The following RPLP1 variants were observed in gnomAD, a reference collection of about 807,000 sequenced individuals.
RPLP1 encodes the protein ribosomal protein lateral stalk subunit P1.
Under a neutral mutation model 11.6 loss-of-function variants are expected in RPLP1, and 4 were observed. The observed-to-expected ratio is 0.34, with a 90% CI of 0.17 to 0.79. The LOEUF is 0.79. Ranked by LOEUF, RPLP1 falls within the 30% of genes least tolerant of loss-of-function variation. The pLI is 0.55. For synonymous variants in RPLP1, 54 were observed against 52.2 expected (o/e 1.03, Z -0.15); for missense variants, 133 against 142.8 (o/e 0.93, Z 0.35).
rs1468495164 is a variant in RPLP1, at chr15:69,453,013, C to T, written c.65C>T (p.Thr22Ile). ...SALILHDDEVTVTEDKINALI... is the reference protein window; with the variant it reads ...SALILHDDEVIVTEDKINALI... ...CTCATTCTGCACGACGATGAGGTGA[C>T]AGTCACGGTGAGTGCGGGCGCGGGC... Residue 22 changes from threonine to isoleucine, a missense_variant, in exon 1 of 4, where the codon ACA (threonine) becomes ATA (isoleucine). Coordinates refer to ENST00000260379, the MANE Select transcript of RPLP1 (RefSeq NM_001003.3). The T allele has an allele frequency of 5.1e-6, 8 of 1,570,572 alleles. No homozygotes were observed. The highest frequency in any genetic ancestry group is 6.9e-6 in the Non-Finnish European group (8 of 1,160,362).
At chr15:69,453,080 A>T (rs1412716037) in intron 1 of RPLP1, 60 bp downstream of exon 1, 7 of 1,449,074 alleles carry the variant, frequency 4.8e-6, no homozygotes, top group African/African-American at 1.4e-5. Flanking sequence ...TCGGCTCTCC[A>T]TGCGGTTCCC....
rs1596038216 is a variant in RPLP1, at chr15:69,455,470, A to G, written c.308A>G (p.Glu103Gly). Residue 103 changes from glutamate (E) to glycine (G), a missense_variant, in exon 4 of 4, where the codon GAG (glutamate) becomes GGG (glycine). By Grantham distance (98) the Glu-to-Gly change is moderately conservative (BLOSUM62 -2). Transcript: ENST00000260379. Reference sequence around the variant, plus strand: ...GAAGCAAAGAAAGAAGAATCCGAGGAGTCTGATGATGACATGGGCTTTGGT... The same window carrying G: ...GAAGCAAAGAAAGAAGAATCCGAGGGGTCTGATGATGACATGGGCTTTGGT... Reference protein sequence around the residue: ...KVEAKKEESEESDDDMGFGLF... With the variant: ...KVEAKKEESEGSDDDMGFGLF... 3 of 1,611,090 alleles carry G rather than the reference A, an allele frequency of 1.9e-6. No individual in the cohort carries two copies. The highest frequency in any genetic ancestry group is 2.5e-6 in the Non-Finnish European group (3 of 1,179,728).
chr15:69,454,004 C>T (rs900144435), intron 2 of RPLP1: 3 of 464,188 alleles, frequency 6.5e-6, no homozygotes, highest in African/African-American at 2.0e-5. Context: ...GAGATAGGTA[C>T]TACGCATGTT....
At position 69,455,512 on chromosome 15, in the gene RPLP1, C is replaced by T. The variant is rs201427547; in HGVS notation, c.*5C>T. ...GGCTTTGGTCTTTTTGACTAAACCT[C>T]TTTTATAACATGTTCAATAAAAAGC... On this transcript the variant is annotated 3_prime_UTR_variant, in exon 4 of 4. Coordinates refer to ENST00000260379, the MANE Select transcript of RPLP1 (RefSeq NM_001003.3). 21 of 1,592,310 alleles carry T rather than the reference C, an allele frequency of 1.3e-5. No homozygotes were observed. The East Asian group carries it at 4.5e-4, about 34-fold the overall frequency.
At chr15:69,454,028 A>G in intron 2 of RPLP1, 1 of 386,126 alleles carries the variant, frequency 2.6e-6, no homozygotes, top group South Asian at 4.2e-5. Context: ...TTGCAAGCAA[A>G]TTCTTTTTCT....
intron 1 of RPLP1, 173 bp from the exon 2 acceptor site, chr15:69,453,474 A>T: frequency 1.5e-6 from 1 of 685,940 alleles, no homozygotes; most frequent in South Asian, 1.8e-5. Context: ...AGCCCGTGAA[A>T]CAGCAGTGAT....
chr15:69,455,339 A>C (rs1892419785), intron 3 of RPLP1, 52 bp downstream of exon 3: 1 of 1,532,852 alleles, frequency 6.5e-7, no homozygotes, highest in Admixed American at 2.3e-5. Context: ...ATTTTTTAAA[A>C]AATAGTATTA....
chr15:69,453,083 C>A (rs1349676780), intron 1 of RPLP1, 63 bp downstream of exon 1: 9 of 1,415,406 alleles, frequency 6.4e-6, no homozygotes, highest in African/African-American at 1.4e-5. Flanking sequence ...GCTCTCCATG[C>A]GGTTCCCGGC....
At position 69,452,844 on chromosome 15, in the gene RPLP1, G is replaced by A; in HGVS notation, c.-105G>A. On this transcript the variant is annotated 5_prime_UTR_variant, in exon 1 of 4. Transcript: ENST00000260379. ...CCCTTTCCTCAGCTGCCGCCAAGGTGCTCGGTCCTTCCGAGGAAGCTAAGG... is the reference window on the plus strand; with the variant it reads ...CCCTTTCCTCAGCTGCCGCCAAGGTACTCGGTCCTTCCGAGGAAGCTAAGG... 9.4e-7 allele frequency: 1 copy of A among 1,067,128 alleles called. No individual in the cohort carries two copies. Among genetic ancestry groups the A allele is most frequent in the Non-Finnish European group, 1.4e-6 (1 of 720,624 alleles). The allele number at this position is 1,067,128 out of a possible 1,614,324, so 66.1% of individuals were successfully genotyped here. A position where few individuals can be genotyped will look rare whatever the true frequency, so the allele number is the denominator to read the frequency against.
intron 1 of RPLP1, chr15:69,453,349 C>A (rs1056960069): frequency 1.7e-6 from 1 of 577,064 alleles, no homozygotes; most frequent in Admixed American, 3.1e-5. Flanking sequence ...CTTACTCGGA[C>A]CTCTTTCGGT....
chr15:69,453,590 T>G, intron 1 of RPLP1, 57 bp from the exon 2 acceptor site: 1 of 1,552,492 alleles, frequency 6.4e-7, no homozygotes, highest in Admixed American at 1.7e-5. Context: ...ACGTGCAGCA[T>G]TTTGGAGATA....
intron 2 of RPLP1, 49 bp downstream of exon 2, chr15:69,453,770 A>G: frequency 6.2e-7 from 1 of 1,600,080 alleles, no homozygotes; most frequent in East Asian, 2.2e-5. Flanking sequence ...CTGATTTACG[A>G]GGGCAGTTGT....
At chr15:69,454,178 G>A (rs7164770) in intron 2 of RPLP1, 139,221 of 164,826 alleles carry the variant, frequency 0.84, 61,210 homozygotes, top group Non-Finnish European at 0.97. Context: ...ACAGGCGTGC[G>A]CCACCATGCC....
intron 2 of RPLP1, 108 bp downstream of exon 2, chr15:69,453,829 G>A (rs1892390853): frequency 9.2e-7 from 1 of 1,084,362 alleles, no homozygotes; most frequent in East Asian, 2.4e-5. Context: ...CATGCCGCTG[G>A]ATCTCCTAGG....
intron 1 of RPLP1, chr15:69,453,344 T>G: frequency 3.5e-6 from 2 of 576,740 alleles, no homozygotes; most frequent in Non-Finnish European, 6.2e-6. Context: ...GGACACTTAC[T>G]CGGACCTCTT....
chr15:69,455,002 A>C (rs974322921), intron 2 of RPLP1, 168 bp from the exon 3 acceptor site: 92 of 932,970 alleles, frequency 9.9e-5, no homozygotes, highest in Non-Finnish European at 1.3e-4. Flanking sequence ...TGTTTGGTAC[A>C]CATGCTTATT....
intron 1 of RPLP1, 141 bp from the exon 2 acceptor site, chr15:69,453,506 G>A: frequency 2.3e-6 from 2 of 880,472 alleles, no homozygotes; most frequent in Non-Finnish European, 3.6e-6. Flanking sequence ...ATTGCAGGGC[G>A]CCTGGCACAC....
chr15:69,455,080 T>C (rs1892413749), intron 2 of RPLP1, 90 bp from the exon 3 acceptor site: 2 of 1,493,218 alleles, frequency 1.3e-6, no homozygotes. Flanking sequence ...CACTGTAACC[T>C]GGAATGGGGG....
In RPLP1 at chr15:69,455,684, A is replaced by G. The variant is rs1163889494; in HGVS notation, c.*177A>G. ...CATTGCCGGATGTGAGATTTAGACA[A>G]TCCTGATGCTAACAAGAAGGCACCT... is the stretch of plus-strand genomic sequence containing the variant. On this transcript the variant is annotated 3_prime_UTR_variant, in exon 4 of 4. Coordinates refer to ENST00000260379, the MANE Select transcript of RPLP1 (RefSeq NM_001003.3). The G allele has an allele frequency of 6.7e-6, 4 of 598,768 alleles. No individual in the cohort carries two copies. The highest frequency in any genetic ancestry group is 1.2e-5 in the Non-Finnish European group (4 of 341,526). The allele number at this position is 598,768 out of a possible 1,614,324, so 37.1% of individuals were successfully genotyped here.
Sources: allele counts gnomAD v4.1 joint callset, GRCh38; gene constraint gnomAD v4.1.1; transcripts MANE v1.5; gene names NCBI Gene and HGNC (gene_info 2026-07-23, HGNC 2026-07-21).